PRKAG2: variants seen among roughly 807,000 people sequenced by gnomAD.
PRKAG2 encodes protein kinase AMP-activated non-catalytic subunit gamma 2, also known as 5'-AMP-activated protein kinase subunit gamma-2.
PRKAG2 carries 26 observed loss-of-function variants against 69.6 expected under a neutral mutation model. That is an observed-to-expected ratio of 0.37 (90% CI 0.27 to 0.52). The LOEUF (loss-of-function observed/expected upper bound fraction) is 0.52, where lower values mean the gene tolerates loss of function less well. PRKAG2 is among the 20% of genes least tolerant of loss of function. The pLI, the probability that PRKAG2 is intolerant of heterozygous loss-of-function variation, is 0.90. For synonymous variants in PRKAG2, 293 were observed against 285.0 expected (o/e 1.03, Z -0.28); for missense variants, 557 against 740.0 (o/e 0.75, Z 2.87).
At chr7:151,612,079 C>A (rs1478384477) in intron 5 of PRKAG2, among the ~76,000 whole-genome samples, 2 of 152,200 alleles carry the variant, frequency 1.3e-5, no homozygotes, top group Non-Finnish European at 2.9e-5. Flanking sequence ...ACTTTCTGTG[C>A]TCCCTTTTGT....
intron 5 of PRKAG2, among the ~76,000 whole-genome samples, chr7:151,624,522 C>T (rs1168239574): frequency 6.6e-6 from 1 of 152,066 alleles, no homozygotes; most frequent in Non-Finnish European, 1.5e-5. Context: ...TTCCCTTCCC[C>T]CAAAATCGCT....
chr7:151,632,349 G>A lies in PRKAG2; in HGVS notation c.685-211C>T, dbSNP rs1272346936. 1 of 576,952 alleles carries A rather than the reference G, an allele frequency of 1.7e-6. No individual in the cohort carries two copies. Among genetic ancestry groups the A allele is most frequent in the Non-Finnish European group, 2.2e-6 (1 of 459,456 alleles). The allele number at this position is 576,952 out of a possible 1,614,324, so 35.7% of individuals were successfully genotyped here. A position where few individuals can be genotyped will look rare whatever the true frequency, so the allele number is the denominator to read the frequency against. ...CGCCGCCGCCGCCGCAGGTGGCGCGGCCGCGGCCCGCGTGCCCCTCCGCGA... is the reference window on the plus strand; with the variant it reads ...CGCCGCCGCCGCCGCAGGTGGCGCGACCGCGGCCCGCGTGCCCCTCCGCGA... On this transcript the variant is annotated intron_variant, in intron 4 of 15. Coordinates refer to ENST00000287878, the MANE Select transcript of PRKAG2 (RefSeq NM_016203.4). The surrounding 1 kb of genome is among the most constrained non-coding windows in gnomAD (Gnocchi z 4.2).
At chr7:151,867,745 G>A (rs572062415) in intron 1 of PRKAG2, among the ~76,000 whole-genome samples, 12 of 152,274 alleles carry the variant, frequency 7.9e-5, no homozygotes, top group African/African-American at 2.9e-4. Context: ...ACACAGAAAC[G>A]AGTTGACTGG....
At chr7:151,729,616 C>T (rs1798595814) in intron 3 of PRKAG2, among the ~76,000 whole-genome samples, 1 of 152,136 alleles carries the variant, frequency 6.6e-6, no homozygotes, top group African/African-American at 2.4e-5. Context: ...CAGAGCCCTC[C>T]CACGGTCCAC....
At chr7:151,684,611 G>T (rs948451758) in intron 3 of PRKAG2, among the ~76,000 whole-genome samples, 10 of 152,290 alleles carry the variant, frequency 6.6e-5, no homozygotes, top group African/African-American at 2.4e-4. Context: ...AGACCCTGCT[G>T]GTCGGAAGCT....
intron 5 of PRKAG2, among the ~76,000 whole-genome samples, chr7:151,622,367 T>G (rs756739970): frequency 1.3e-5 from 2 of 152,238 alleles, no homozygotes; most frequent in Non-Finnish European, 2.9e-5. Context: ...CCTCTGACAG[T>G]TTCTACTATG....
chr7:151,866,633 G>A (rs2080085233), intron 1 of PRKAG2, among the ~76,000 whole-genome samples: 1 of 152,146 alleles, frequency 6.6e-6, no homozygotes, highest in African/African-American at 2.4e-5. Flanking sequence ...AAGGCTCTCT[G>A]GGGTGCTTAT....
chr7:151,872,868 G>A (rs562413886), intron 1 of PRKAG2, among the ~76,000 whole-genome samples: 3 of 152,212 alleles, frequency 2.0e-5, no homozygotes, highest in South Asian at 4.1e-4. Context: ...AGCGTCCACC[G>A]CAGCTTCTTC....
At chr7:151,812,842 T>C (rs2078490230) in intron 1 of PRKAG2, among the ~76,000 whole-genome samples, 1 of 152,182 alleles carries the variant, frequency 6.6e-6, no homozygotes, top group Non-Finnish European at 1.5e-5. Context: ...TTAAATATTT[T>C]AGATTTTCAA....
At chr7:151,558,760 A>C in intron 15 of PRKAG2, 3 of 985,436 alleles carry the variant, frequency 3.0e-6, no homozygotes, top group Non-Finnish European at 3.6e-6. Flanking sequence ...TCCAAATTCC[A>C]GCTGGAAATA....
intron 3 of PRKAG2, among the ~76,000 whole-genome samples, chr7:151,757,945 C>A (rs190841649): frequency 6.6e-6 from 1 of 152,216 alleles, no homozygotes; most frequent in Non-Finnish European, 1.5e-5. Context: ...GCAGTCAAAA[C>A]GTTTTCAAAC....
chr7:151,595,323 C>A, intron 6 of PRKAG2, 22 bp downstream of exon 6: 3 of 1,577,984 alleles, frequency 1.9e-6, no homozygotes, highest in Non-Finnish European at 2.6e-6. Context: ...CCAAAAAATT[C>A]ATGAAAATGG....
At chr7:151,711,001 C>G (rs1428434682) in intron 3 of PRKAG2, among the ~76,000 whole-genome samples, 2 of 152,036 alleles carry the variant, frequency 1.3e-5, no homozygotes, top group African/African-American at 4.8e-5. Flanking sequence ...GCTAGGAATA[C>G]AGTACTAACA....
rs1374801573 is a variant in PRKAG2 at position 151,777,304 on chromosome 7, A to G, written c.466+3848T>C. 6.6e-6 allele frequency among the ~76,000 whole-genome samples: 1 copy of G among 152,194 alleles called. No individual in the cohort carries two copies. Among genetic ancestry groups the G allele is most frequent in the Non-Finnish European group, 1.5e-5 (1 of 68,028 alleles). ...GCACAGTGTCTGCTGGGACCCGCTG[A>G]GATCCAGAGGGGCTGGGAGTCTTGG... On this transcript the variant is annotated intron_variant, in intron 3 of 15. Transcript: ENST00000287878. The surrounding 1 kb of genome is among the most constrained non-coding windows in gnomAD (Gnocchi z 4.3).
intron 5 of PRKAG2, among the ~76,000 whole-genome samples, chr7:151,599,750 G>A (rs988653651): frequency 2.4e-4 from 36 of 152,092 alleles, no homozygotes; most frequent in African/African-American, 8.2e-4. Context: ...TGGCTCACCC[G>A]CCCCTTGCCT....
At chr7:151,855,223 G>A (rs199543318) in intron 1 of PRKAG2, among the ~76,000 whole-genome samples, 2 of 4,648 alleles carry the variant, frequency 4.3e-4, no homozygotes, top group Non-Finnish European at 3.4e-4. Flanking sequence ...CACACACCAC[G>A]CTCCACACAC....
intron 3 of PRKAG2, among the ~76,000 whole-genome samples, chr7:151,749,160 G>T (rs2074500598): frequency 1.3e-5 from 2 of 151,272 alleles, no homozygotes; most frequent in Admixed American, 6.6e-5. Context: ...TCCATCCAAA[G>T]ATCAAACTCA....
chr7:151,649,640 G>A (rs1828133522), intron 4 of PRKAG2, among the ~76,000 whole-genome samples: 1 of 152,156 alleles, frequency 6.6e-6, no homozygotes, highest in Non-Finnish European at 1.5e-5. Flanking sequence ...CCTCAGTGCT[G>A]TCCTCGTGAT....
intron 6 of PRKAG2, among the ~76,000 whole-genome samples, chr7:151,591,730 T>C (rs1321365870): frequency 2.6e-5 from 4 of 152,120 alleles, no homozygotes; most frequent in Non-Finnish European, 5.9e-5. Flanking sequence ...TGCTCTTCTG[T>C]GTGGCCTTAG....
Sources: gnomAD v4.1 joint callset for allele counts (sites outside exome capture counted in the v4.1 genomes callset) on GRCh38, gnomAD v4.1.1 for gene constraint, Gnocchi (gnomAD v3.1) non-coding constraint, MANE v1.5 for transcripts, NCBI Gene and HGNC (gene_info 2026-07-23, HGNC 2026-07-21) for gene names.